Variants in SNX9 observed in about 807,000 individuals in gnomAD.
SNX9 encodes sorting nexin-9.
A neutral mutation model predicts 89.4 loss-of-function variants in SNX9; 44 were observed. The ratio of observed to expected loss-of-function variants is 0.49; its 90% CI spans 0.39 to 0.63. SNX9 has a LOEUF of 0.63. SNX9 is among the 30% of genes least tolerant of loss of function. The pLI is 0.00. For missense variants in SNX9, 578 were observed against 736.1 expected (o/e 0.79, Z 2.49); for synonymous variants, 236 against 247.8 (o/e 0.95, Z 0.45).
At chr6:157,941,069 T>C (rs1022224922) in intron 17 of SNX9, 95 bp downstream of exon 17, 1 of 1,068,978 alleles carries the variant, frequency 9.4e-7, no homozygotes, top group Non-Finnish European at 1.4e-6. Flanking sequence ...TTGTATTCTT[T>C]AATCCTAAGT....
intron 10 of SNX9, among the ~76,000 whole-genome samples, chr6:157,925,424 T>A (rs1231172779): frequency 6.6e-6 from 1 of 151,976 alleles, no homozygotes; most frequent in Non-Finnish European, 1.5e-5. Context: ...TTGGAAAAGT[T>A]TGGCATTTAC....
chr6:157,896,816 C>G lies in SNX9; in HGVS notation c.301-11C>G. 1 of 1,611,784 alleles carries G rather than the reference C, an allele frequency of 6.2e-7. No homozygotes were observed. The highest frequency in any genetic ancestry group is 1.1e-5 in the South Asian group (1 of 90,508). On this transcript the variant is annotated splice_polypyrimidine_tract_variant and intron_variant, in intron 4 of 17. Transcript: ENST00000392185. ...CACAAAAATTCTCCTTCTTTTTACC[C>G]CTCTCAATAGGTTGGCAGTGGCAAT...
At chr6:157,941,367 A>G (rs1784032165) in intron 17 of SNX9, among the ~76,000 whole-genome samples, 1 of 152,222 alleles carries the variant, frequency 6.6e-6, no homozygotes, top group Admixed American at 6.5e-5. Flanking sequence ...CCACACAGGA[A>G]ACCAAAGGCA....
At chr6:157,914,611 G>A (rs1783424956) in intron 9 of SNX9, among the ~76,000 whole-genome samples, 1 of 151,086 alleles carries the variant, frequency 6.6e-6, no homozygotes, top group South Asian at 2.1e-4. Context: ...TGAGTAGCTG[G>A]GACTACAGGC....
At chr6:157,845,668 A>G (rs1216508351) in intron 1 of SNX9, among the ~76,000 whole-genome samples, 1 of 152,200 alleles carries the variant, frequency 6.6e-6, no homozygotes, top group Non-Finnish European at 1.5e-5. Context: ...AACATGCCAC[A>G]TATTTTATAC....
At chr6:157,935,645 G>A (rs1279419705) in intron 13 of SNX9, among the ~76,000 whole-genome samples, 1 of 152,196 alleles carries the variant, frequency 6.6e-6, no homozygotes, top group Non-Finnish European at 1.5e-5. Flanking sequence ...CCTCATTATA[G>A]CCGAATGACA....
intron 1 of SNX9, among the ~76,000 whole-genome samples, chr6:157,834,249 G>GCT (rs1432398551): frequency 7.3e-6 from 1 of 136,220 alleles, no homozygotes; most frequent in African/African-American, 2.7e-5. Flanking sequence ...ACTGACTGCA[G>GCT]CTCAACCTCC....
intron 1 of SNX9, among the ~76,000 whole-genome samples, chr6:157,844,600 G>GTTTTTTTTTTTTTTTTT (rs34836632): frequency 2.3e-5 from 3 of 131,806 alleles, no homozygotes; most frequent in Non-Finnish European, 4.9e-5. Context: ...TTTTTTTTTT[G>GTTTTTTTTTTTTTTTTT]TTTTTTTTTT....
At chr6:157,926,381 TA>T (rs966112708) in intron 10 of SNX9, among the ~76,000 whole-genome samples, 7 of 152,214 alleles carry the variant, frequency 4.6e-5, no homozygotes, top group African/African-American at 1.7e-4. Context: ...TATATCTTAA[TA>T]TTTTTAAAAA....
chr6:157,833,238 G>C (rs767298659), intron 1 of SNX9, among the ~76,000 whole-genome samples: 3 of 152,126 alleles, frequency 2.0e-5, no homozygotes, highest in Admixed American at 2.0e-4. Flanking sequence ...TTGTTTTATA[G>C]TCTCAAGATT....
At chr6:157,908,379 T>A (rs1421494601) in intron 7 of SNX9, among the ~76,000 whole-genome samples, 1 of 152,232 alleles carries the variant, frequency 6.6e-6, no homozygotes, top group Admixed American at 6.5e-5. Flanking sequence ...CATTCTCTTC[T>A]TGGATTATAA....
rs1254533121 is a variant in SNX9 at position 157,847,843 on chromosome 6, G to C, written c.13-19704G>C. On this transcript the variant is annotated intron_variant, in intron 1 of 17. Transcript: ENST00000392185. ...ACAAAAACAGCAGCAGGGAAGCCCT[G>C]TTGAAAATAAGGTATTAATTTTTAT... Among the ~76,000 whole-genome samples the C allele has an allele frequency of 2.0e-5, 3 of 152,198 alleles. No homozygotes were observed. In the East Asian group the frequency reaches 5.8e-4, roughly 29 times the overall value.
intron 4 of SNX9, among the ~76,000 whole-genome samples, chr6:157,881,323 C>T (rs6914588): frequency 0.03 from 4,564 of 152,090 alleles, 227 homozygotes; most frequent in African/African-American, 0.1. Context: ...TTATGTGTTC[C>T]GCCTGTTCTA....
chr6:157,912,889 A>G (rs1384014863), intron 9 of SNX9, among the ~76,000 whole-genome samples: 1 of 152,126 alleles, frequency 6.6e-6, no homozygotes, highest in African/African-American at 2.4e-5. Context: ...CTTTTTTTCT[A>G]ATTATTTGCA....
intron 4 of SNX9, among the ~76,000 whole-genome samples, chr6:157,880,024 C>T (rs1234217569): frequency 2.0e-5 from 3 of 152,146 alleles, no homozygotes; most frequent in Non-Finnish European, 4.4e-5. Context: ...AATAAAGCTG[C>T]TTTTGTTTTG....
At position 157,909,903 on chromosome 6, in the gene SNX9, T is replaced by A. The variant is rs756730048; in HGVS notation, c.832-5T>A. ...GTAACCTTTTCTCTTTCCCTTATTTTGTAGAACACTAATCGATCTGTAAAC... is the reference window on the plus strand; with the variant it reads ...GTAACCTTTTCTCTTTCCCTTATTTAGTAGAACACTAATCGATCTGTAAAC... On this transcript the variant is annotated splice_polypyrimidine_tract_variant and splice_region_variant and intron_variant, in intron 8 of 17. Coordinates refer to ENST00000392185, the MANE Select transcript of SNX9 (RefSeq NM_016224.5). The A allele has an allele frequency of 6.2e-7, 1 of 1,613,686 alleles. No individual in the cohort carries two copies.
chr6:157,904,356 C>T (rs1783166280), intron 6 of SNX9, among the ~76,000 whole-genome samples: 1 of 151,952 alleles, frequency 6.6e-6, no homozygotes, highest in African/African-American at 2.4e-5. Flanking sequence ...ATCGCTTGAA[C>T]CCGGGAGACG....
Position 157,823,515 on chromosome 6 carries a change from G to A in SNX9, c.12+69G>A. 1 of 1,145,582 alleles carries A rather than the reference G, an allele frequency of 8.7e-7. No homozygotes were observed. The highest frequency in any genetic ancestry group is 1.1e-6 in the Non-Finnish European group (1 of 929,412). 71.0% of individuals were successfully genotyped at this position (1,145,582 alleles called of 1,614,324 possible). On this transcript the variant is annotated intron_variant, in intron 1 of 17. Transcript: ENST00000392185. This position sits in a 1 kb window ranked among gnomAD's most constrained non-coding sequence, Gnocchi z 4.6. The stretch of plus-strand genomic sequence containing the variant: ...GGGCGGCGCGGAGAGGGTCGGGGCC[G>A]GGGCCGCGGGGAGGGTCGGGGCCAG...
At chr6:157,894,383 T>G (rs1267627539) in intron 4 of SNX9, among the ~76,000 whole-genome samples, 2 of 150,556 alleles carry the variant, frequency 1.3e-5, no homozygotes, top group African/African-American at 4.9e-5. Flanking sequence ...GTGGTAGGAT[T>G]ATAGGCATGA....
Sources: gnomAD v4.1 joint callset for allele counts (sites outside exome capture counted in the v4.1 genomes callset) on GRCh38, gnomAD v4.1.1 for gene constraint, Gnocchi (gnomAD v3.1) non-coding constraint, MANE v1.5 for transcripts, NCBI Gene and HGNC (gene_info 2026-07-23, HGNC 2026-07-21) for gene names.